MRS2: variants seen among roughly 807,000 people sequenced by gnomAD.
The protein encoded by MRS2 is magnesium transporter MRS2 homolog, mitochondrial.
A neutral mutation model predicts 52.6 loss-of-function variants in MRS2; 40 were observed. The observed-to-expected ratio is 0.76, with a 90% confidence interval of 0.59 to 0.99. MRS2 has a LOEUF of 0.99. Among genes scored for constraint, MRS2 ranks in the 50% least tolerant of loss-of-function variants. The probability of loss-of-function intolerance (pLI) is 0.00; values close to 1 mark genes in which losing one functional copy is unlikely to be tolerated. For synonymous variants in MRS2, 193 were observed against 195.9 expected (o/e 0.98, Z 0.13); for missense variants, 472 against 532.7 (o/e 0.89, Z 1.12).
chr6:24,413,798 G>A (rs75283377), intron 5 of MRS2, among the ~76,000 whole-genome samples: 18,684 of 152,250 alleles, frequency 0.12, 1,484 homozygotes, highest in East Asian at 0.16. Context: ...TGTAATTTAC[G>A]TCATCAGTTT....
intron 9 of MRS2, among the ~76,000 whole-genome samples, chr6:24,422,560 C>T (rs552928560): frequency 1.4e-5 from 2 of 146,210 alleles, no homozygotes; most frequent in South Asian, 2.1e-4. Flanking sequence ...GAGGTGCTAT[C>T]GTGCCCAGCA....
chr6:24,423,117 G>T, intron 10 of MRS2, 67 bp downstream of exon 10: 1 of 1,313,466 alleles, frequency 7.6e-7, no homozygotes, highest in Non-Finnish European at 1.1e-6. Context: ...AAGTCAGAGC[G>T]CCTGGGATTA....
At chr6:24,411,871 T>TTG (rs1561809025) in intron 4 of MRS2, among the ~76,000 whole-genome samples, 1 of 151,088 alleles carries the variant, frequency 6.6e-6, no homozygotes, top group African/African-American at 2.4e-5. Flanking sequence ...TTTTTTTTGT[T>TTG]TTTGTTTTTT....
In MRS2 at chr6:24,418,164, T is replaced by C. The variant is rs1481809545; in HGVS notation, c.917T>C (p.Leu306Pro). 6.2e-7 allele frequency: 1 copy of C among 1,613,780 alleles called. No homozygotes were observed. The highest frequency in any genetic ancestry group is 8.5e-7 in the Non-Finnish European group (1 of 1,179,758). The change falls in exon 8 of 11, where the codon CTC becomes CCC. Residue 306 changes from leucine (L) to proline (P), a missense_variant. Leu to Pro is a moderately conservative substitution (Grantham distance 98). Coordinates refer to ENST00000378386, the MANE Select transcript of MRS2 (RefSeq NM_020662.4). ...LENYYRLADD[L>P]SNAARELRVL... The stretch of plus-strand genomic sequence containing the variant: ...AACTACTACCGATTGGCTGACGATC[T>C]CTCCAATGCAGCTCGTGAGCTTAGG...
chr6:24,417,951 AAAGAC>A (rs574814506), intron 7 of MRS2, 128 bp from the exon 8 acceptor site: 96 of 421,638 alleles, frequency 2.3e-4, no homozygotes, highest in South Asian at 1.0e-3. Context: ...AAAAAAAAAA[AAAGAC>A]AAGACAAGAC....
intron 9 of MRS2, among the ~76,000 whole-genome samples, chr6:24,419,526 CTGAAAATAGATATATTATCCCTACTT>C (rs1484744472): frequency 3.9e-5 from 6 of 152,308 alleles, no homozygotes; most frequent in Non-Finnish European, 7.4e-5. Context: ...CATTGCAACT[CTGAAAATAGATATATTATCCCTACTT>C]TGTAGATGAG....
chr6:24,410,490 G>A (rs771705285), intron 4 of MRS2, among the ~76,000 whole-genome samples: 9 of 151,976 alleles, frequency 5.9e-5, no homozygotes, highest in Non-Finnish European at 1.3e-4. Context: ...AGTCTTTGAT[G>A]GCAGATTTTT....
chr6:24,419,495 G>A (rs924397796), intron 9 of MRS2, among the ~76,000 whole-genome samples: 1 of 152,144 alleles, frequency 6.6e-6, no homozygotes, highest in African/African-American at 2.4e-5. Flanking sequence ...CAGGCGGTTT[G>A]CATACTTTAT....
Position 24,426,137 on chromosome 6 carries a change from G to A in MRS2, c.*2443G>A, listed in dbSNP as rs919283867. 6.6e-6 allele frequency: 1 copy of A among 152,136 alleles called. No individual in the cohort carries two copies. The highest frequency in any genetic ancestry group is 6.5e-5 in the Admixed American group (1 of 15,270). The allele number at this position is 152,136 out of a possible 1,614,324, so 9.4% of individuals were successfully genotyped here. A position where few individuals can be genotyped will look rare whatever the true frequency, so the allele number is the denominator to read the frequency against. ...CGCAGATAGTAGCAAGACAGAAAAT[G>A]CAAATATGTAAATGTCTTCTGATAT... On this transcript the variant is annotated 3_prime_UTR_variant, in exon 11 of 11. Coordinates refer to ENST00000378386, the MANE Select transcript of MRS2 (RefSeq NM_020662.4).
chr6:24,415,319 T>C (rs979250449), intron 6 of MRS2, among the ~76,000 whole-genome samples, 156 bp downstream of exon 6: 4 of 152,212 alleles, frequency 2.6e-5, no homozygotes, highest in African/African-American at 9.6e-5. Context: ...GTTGAAAAGA[T>C]ACTTTGCATG....
chr6:24,409,375 G>A lies in MRS2; in HGVS notation c.302-86G>A, dbSNP rs1025637647. 9.0e-6 allele frequency: 6 copies of A among 669,552 alleles called. No homozygotes were observed. The African/African-American group carries it at 1.1e-4, about 13-fold the overall frequency. The allele number at this position is 669,552 out of a possible 1,614,324, so 41.5% of individuals were successfully genotyped here. A position where few individuals can be genotyped will look rare whatever the true frequency, so the allele number is the denominator to read the frequency against. ...TCTGGTAGTAACCAAAAATTGTCTT[G>A]ATGGTGGTGGGAGGACTGCTCTGAT... On this transcript the variant is annotated intron_variant, in intron 3 of 10. Transcript: ENST00000378386.
At chr6:24,409,413 G>T in intron 3 of MRS2, 48 bp from the exon 4 acceptor site, 1 of 1,174,494 alleles carries the variant, frequency 8.5e-7, no homozygotes. Flanking sequence ...AAAAATCTAA[G>T]CCATTTAATG....
At chr6:24,420,875 T>C (rs184955123) in intron 9 of MRS2, among the ~76,000 whole-genome samples, 13 of 152,160 alleles carry the variant, frequency 8.5e-5, no homozygotes, top group Non-Finnish European at 1.5e-4. Context: ...AGGTCCCAGA[T>C]GCAGATAAGT....
chr6:24,405,379 G>T, intron 2 of MRS2, 138 bp downstream of exon 2: 4 of 636,016 alleles, frequency 6.3e-6, no homozygotes, highest in Non-Finnish European at 1.1e-5. Context: ...TGTTGTGCCT[G>T]GCCAGTGACC....
At chr6:24,409,998 T>G (rs202041474) in intron 4 of MRS2, among the ~76,000 whole-genome samples, 129 of 151,940 alleles carry the variant, frequency 8.5e-4, no homozygotes, top group African/African-American at 2.7e-3. Context: ...TAGCCTTAAT[T>G]TTTTTTTTGA....
At chr6:24,423,186 C>G in intron 10 of MRS2, 136 bp downstream of exon 10, 1 of 656,636 alleles carries the variant, frequency 1.5e-6, no homozygotes, top group Non-Finnish European at 2.7e-6. Flanking sequence ...TTCAGTTTCC[C>G]TATCTGTCAG....
At chr6:24,408,014 A>G (rs376164141) in intron 2 of MRS2, among the ~76,000 whole-genome samples, 1 of 152,130 alleles carries the variant, frequency 6.6e-6, no homozygotes, top group Non-Finnish European at 1.5e-5. Flanking sequence ...ACAATCAGGA[A>G]AGGGCAAAGA....
At chr6:24,409,414 C>T (rs369492469) in intron 3 of MRS2, 47 bp from the exon 4 acceptor site, 16 of 1,184,334 alleles carry the variant, frequency 1.4e-5, no homozygotes, top group Non-Finnish European at 1.8e-5. Flanking sequence ...AAAATCTAAG[C>T]CATTTAATGT....
At position 24,409,614 on chromosome 6, in the gene MRS2, C is replaced by CTT. The variant is rs766297584; in HGVS notation, c.414+42_414+43dup. ...TTCATCTATGTTTCTCCAATACAAT[C>CTT]TTATAAAAGTTACCTTCTAACTATC... On this transcript the variant is annotated intron_variant, in intron 4 of 10. Coordinates refer to ENST00000378386, the MANE Select transcript of MRS2 (RefSeq NM_020662.4). The CTT allele has an allele frequency of 1.0e-3, 1,272 of 1,262,750 alleles. 4 individuals are homozygous for CTT. The highest frequency in any genetic ancestry group is 9.4e-4 in the Non-Finnish European group (833 of 887,172). 78.2% of individuals were successfully genotyped at this position (1,262,750 alleles called of 1,614,324 possible). A position where few individuals can be genotyped will look rare whatever the true frequency, so the allele number is the denominator to read the frequency against.
Sources: gnomAD v4.1 joint callset for allele counts (sites outside exome capture counted in the v4.1 genomes callset) on GRCh38, gnomAD v4.1.1 for gene constraint, MANE v1.5 for transcripts, NCBI Gene and HGNC (gene_info 2026-07-23, HGNC 2026-07-21) for gene names.